STUM: variants seen among roughly 807,000 people sequenced by gnomAD.
STUM encodes the protein protein stum homolog.
Under a neutral mutation model 15.3 loss-of-function variants are expected in STUM, and 8 were observed. That is an observed-to-expected ratio of 0.52 (90% CI 0.31 to 0.94). The LOEUF is 0.94. Ranked by LOEUF, STUM falls within the 40% of genes least tolerant of loss-of-function variation. The probability of loss-of-function intolerance (pLI) is 0.05; values close to 1 mark genes in which losing one functional copy is unlikely to be tolerated. For synonymous variants in STUM, 78 were observed against 88.7 expected (o/e 0.88, Z 0.68); for missense variants, 142 against 204.9 (o/e 0.69, Z 1.87).
chr1:226,556,919 G>A (rs868104593), intron 1 of STUM, among the ~76,000 whole-genome samples: 23 of 152,130 alleles, frequency 1.5e-4, no homozygotes, highest in Middle Eastern at 3.2e-3. Flanking sequence ...ATACAATGTG[G>A]AATAATTACA....
At chr1:226,598,967 C>T (rs1020260550) in intron 2 of STUM, among the ~76,000 whole-genome samples, 6 of 152,104 alleles carry the variant, frequency 3.9e-5, no homozygotes, top group Admixed American at 6.5e-5. Context: ...ACAATCATGG[C>T]GAAAGGCAAG....
chr1:226,574,781 G>A (rs946470416), intron 1 of STUM, among the ~76,000 whole-genome samples: 7 of 152,140 alleles, frequency 4.6e-5, no homozygotes, highest in African/African-American at 9.7e-5. Context: ...GGACGTTACC[G>A]TTGCCAACTC....
chr1:226,568,114 A>C (rs1330953682), intron 1 of STUM, among the ~76,000 whole-genome samples: 1 of 152,232 alleles, frequency 6.6e-6, no homozygotes, highest in Non-Finnish European at 1.5e-5. Context: ...CACCAGCTCC[A>C]CTATGCACAG....
rs1161747703 is a variant in STUM, at chr1:226,605,464, A to G, written c.*3424A>G. ...AGGAGCAGAATCGCATGCAGCCCAG[A>G]GCAGGTCCTGTGGAGGGGTCCTCAC... On this transcript the variant is annotated 3_prime_UTR_variant, in exon 4 of 4. Coordinates refer to ENST00000366788, the MANE Select transcript of STUM (RefSeq NM_001003665.4). This position sits in a 1 kb window ranked among gnomAD's most constrained non-coding sequence, Gnocchi z 4.0. 1.3e-5 allele frequency: 2 copies of G among 152,276 alleles called. No homozygotes were observed. Among genetic ancestry groups the G allele is most frequent in the Non-Finnish European group, 2.9e-5 (2 of 68,132 alleles). 9.4% of individuals were successfully genotyped at this position (152,276 alleles called of 1,614,324 possible).
intron 1 of STUM, among the ~76,000 whole-genome samples, chr1:226,584,376 G>A (rs115220203): frequency 0.019 from 2,965 of 152,366 alleles, 45 homozygotes; most frequent in Middle Eastern, 0.048. Context: ...CCTGAGCCAG[G>A]AAACTGGCAC....
chr1:226,551,705 G>C lies in STUM; in HGVS notation c.202+2599G>C, dbSNP rs1667378724. Among the ~76,000 whole-genome samples, 3 of 152,234 alleles carry C rather than the reference G, an allele frequency of 2.0e-5. No homozygotes were observed. The South Asian group carries it at 6.2e-4, about 31-fold the overall frequency. Reference sequence around the variant, plus strand: ...CTACCACATGCCAGGCATTGACTGGGGTTGTGATGATGAATAAATCAGTCA... The same window carrying C: ...CTACCACATGCCAGGCATTGACTGGCGTTGTGATGATGAATAAATCAGTCA... On this transcript the variant is annotated intron_variant, in intron 1 of 3. Transcript: ENST00000366788.
intron 2 of STUM, chr1:226,597,528 A>G (rs1668202007): frequency 6.5e-6 from 3 of 463,036 alleles, no homozygotes; most frequent in Non-Finnish European, 1.4e-5. Context: ...AACCATTCAT[A>G]GCTGGGATCG....
At position 226,549,247 on chromosome 1, in the gene STUM, C is replaced by A. The variant is rs531626434; in HGVS notation, c.202+141C>A. The stretch of plus-strand genomic sequence containing the variant: ...ACCACGCGCCACCGCCCGCTCCTGG[C>A]GTCCCCGGGCAGGTGGCAGAAGCGC... On this transcript the variant is annotated intron_variant, in intron 1 of 3. Coordinates refer to ENST00000366788, the MANE Select transcript of STUM (RefSeq NM_001003665.4). The surrounding 1 kb of genome is among the most constrained non-coding windows in gnomAD (Gnocchi z 6.8). 275 of 697,852 alleles carry A rather than the reference C, an allele frequency of 3.9e-4. 4 individuals carry two copies. In the South Asian group the frequency reaches 5.4e-3, roughly 14 times the overall value. The allele number at this position is 697,852 out of a possible 1,614,324, so 43.2% of individuals were successfully genotyped here.
chr1:226,600,763 C>T lies in STUM; in HGVS notation c.391+89C>T, dbSNP rs1015851814. 2 of 1,415,172 alleles carry T rather than the reference C, an allele frequency of 1.4e-6. No individual in the cohort carries two copies. The highest frequency in any genetic ancestry group is 1.4e-5 in the African/African-American group (1 of 71,136). The allele number at this position is 1,415,172 out of a possible 1,614,324, so 87.7% of individuals were successfully genotyped here. On this transcript the variant is annotated intron_variant, in intron 3 of 3. Coordinates refer to ENST00000366788, the MANE Select transcript of STUM (RefSeq NM_001003665.4). The surrounding 1 kb of genome is among the most constrained non-coding windows in gnomAD (Gnocchi z 5.2). ...CCCCCACTCCTGCACACAAACACCC[C>T]ACCCACTCTCCCAGTGGGTCAATGG...
intron 1 of STUM, among the ~76,000 whole-genome samples, chr1:226,592,390 T>A (rs1668105827): frequency 6.6e-6 from 1 of 152,194 alleles, no homozygotes; most frequent in Admixed American, 6.5e-5. Flanking sequence ...CACCCTAGAC[T>A]GAAAAGAACT....
intron 1 of STUM, among the ~76,000 whole-genome samples, chr1:226,556,970 C>T (rs1667456642): frequency 6.6e-6 from 1 of 152,122 alleles, no homozygotes; most frequent in Non-Finnish European, 1.5e-5. Flanking sequence ...ATACTTAACA[C>T]TTTTTGTGGT....
chr1:226,559,914 C>T (rs1456238900), intron 1 of STUM, among the ~76,000 whole-genome samples: 1 of 149,196 alleles, frequency 6.7e-6, no homozygotes, highest in African/African-American at 2.5e-5. Context: ...GCGGAGCTTG[C>T]AGTGAGCCGA....
At chr1:226,561,532 C>T (rs1311120804) in intron 1 of STUM, among the ~76,000 whole-genome samples, 1 of 152,124 alleles carries the variant, frequency 6.6e-6, no homozygotes, top group Non-Finnish European at 1.5e-5. Context: ...AGAGTTGTTG[C>T]TAGGACAGAT....
chr1:226,598,023 G>A (rs1377808133), intron 2 of STUM, among the ~76,000 whole-genome samples: 1 of 152,224 alleles, frequency 6.6e-6, no homozygotes, highest in African/African-American at 2.4e-5. Flanking sequence ...GTGTGCTCAG[G>A]GCAGGGGCTG....
intron 1 of STUM, among the ~76,000 whole-genome samples, chr1:226,576,845 C>A (rs1377254430): frequency 6.6e-6 from 1 of 152,248 alleles, no homozygotes; most frequent in African/African-American, 2.4e-5. Context: ...TGATGCCTCT[C>A]TGGAGAGCTA....
In STUM at chr1:226,549,137, C is replaced by G; in HGVS notation, c.202+31C>G. ...ACACGGCTGCCGCGACCCTTGCGACCCCCACCCCGCCGCGGGAGGGCGTGG... is the reference window on the plus strand; with the variant it reads ...ACACGGCTGCCGCGACCCTTGCGACGCCCACCCCGCCGCGGGAGGGCGTGG... On this transcript the variant is annotated intron_variant, in intron 1 of 3. Coordinates refer to ENST00000366788, the MANE Select transcript of STUM (RefSeq NM_001003665.4). The surrounding 1 kb of genome is among the most constrained non-coding windows in gnomAD (Gnocchi z 6.8). The G allele has an allele frequency of 6.5e-7, 1 of 1,545,838 alleles. No individual in the cohort carries two copies. Among genetic ancestry groups the G allele is most frequent in the Non-Finnish European group, 8.7e-7 (1 of 1,143,732 alleles).
chr1:226,589,331 C>T (rs1398104696), intron 1 of STUM, among the ~76,000 whole-genome samples: 2 of 152,208 alleles, frequency 1.3e-5, no homozygotes, highest in Non-Finnish European at 2.9e-5. Flanking sequence ...CTTCTCGTGC[C>T]TGACAGCCAA....
chr1:226,577,165 G>A (rs977161168), intron 1 of STUM, among the ~76,000 whole-genome samples: 36 of 152,326 alleles, frequency 2.4e-4, no homozygotes, highest in Middle Eastern at 3.4e-3. Flanking sequence ...AACTCAAGCA[G>A]TCTGGCTTCA....
At position 226,568,401 on chromosome 1, in the gene STUM, C is replaced by T. The variant is rs112422306; in HGVS notation, c.202+19295C>T. Among the ~76,000 whole-genome samples, 676 of 152,274 alleles carry T rather than the reference C, an allele frequency of 4.4e-3. 3 individuals carry two copies. Among genetic ancestry groups the T allele is most frequent in the Middle Eastern group, 0.027 (8 of 294 alleles). On this transcript the variant is annotated intron_variant, in intron 1 of 3. Transcript: ENST00000366788. ...TCCAAGGGCTTCCCAGGCATTTTTT[C>T]TTTGCCCTGAAATAGTCCAGAGGAA... is the stretch of plus-strand genomic sequence containing the variant.
Sources: gnomAD v4.1 joint callset for allele counts (sites outside exome capture counted in the v4.1 genomes callset) on GRCh38, gnomAD v4.1.1 for gene constraint, Gnocchi (gnomAD v3.1) non-coding constraint, MANE v1.5 for transcripts, NCBI Gene and HGNC (gene_info 2026-07-23, HGNC 2026-07-21) for gene names.